LMBRD1: variants seen among roughly 807,000 people sequenced by gnomAD.
LMBRD1 encodes the protein LMBR1 domain containing 1, also known as lysosomal cobalamin transport escort protein LMBD1.
In LMBRD1, 64 loss-of-function variants were observed where a neutral mutation model predicts 74.8. The ratio of observed to expected loss-of-function variants is 0.86; its 90% CI spans 0.70 to 1.05. The LOEUF (loss-of-function observed/expected upper bound fraction) is 1.05, where lower values mean the gene tolerates loss of function less well. Ranked by LOEUF, LMBRD1 falls within the 50% of genes least tolerant of loss-of-function variation. The pLI is 0.00. For synonymous variants in LMBRD1, 204 were observed against 216.3 expected (o/e 0.94, Z 0.50); for missense variants, 652 against 645.9 (o/e 1.01, Z -0.10).
In LMBRD1 at chr6:69,697,572, C is replaced by T; in HGVS notation, c.1408G>A (p.Ala470Thr). The T allele has an allele frequency of 6.2e-7, 1 of 1,600,916 alleles. No individual in the cohort carries two copies. Among genetic ancestry groups the T allele is most frequent in the Non-Finnish European group, 8.6e-7 (1 of 1,168,778 alleles). ...LSVPKRCDAD[A>T]PEDQCTVTRT... The stretch of plus-strand genomic sequence containing the variant: ...AACAAGCTGTTTTTACCTTCAGGAG[C>T]ATCTGCATCACATCTCTTTGGCACA... Residue 470 changes from alanine (A) to threonine (T), a missense_variant, in exon 14 of 16, where the codon GCT (alanine) becomes ACT (threonine). This residue lies in a region of LMBRD1 where 598 missense variants were observed against 581.8 expected (regional missense o/e 1.03). Coordinates refer to ENST00000649934, the MANE Select transcript of LMBRD1 (RefSeq NM_018368.4).
intron 7 of LMBRD1, among the ~76,000 whole-genome samples, chr6:69,735,366 A>T (rs572046367): frequency 6.6e-6 from 1 of 152,284 alleles, no homozygotes; most frequent in East Asian, 1.9e-4. Context: ...CAGACATGGA[A>T]ACAACATGCA....
At chr6:69,738,058 C>T (rs1267191922) in intron 6 of LMBRD1, 43 bp from the exon 7 acceptor site, 2 of 1,358,226 alleles carry the variant, frequency 1.5e-6, no homozygotes, top group Non-Finnish European at 2.1e-6. Context: ...ATATATACTA[C>T]TCAAATCCTT....
intron 14 of LMBRD1, among the ~76,000 whole-genome samples, chr6:69,692,753 C>T (rs1765917849): frequency 1.3e-5 from 2 of 152,090 alleles, no homozygotes; most frequent in Non-Finnish European, 2.9e-5. Context: ...TTTTGCTTTA[C>T]CACAGCATTT....
chr6:69,720,035 G>A (rs953409139), intron 7 of LMBRD1, among the ~76,000 whole-genome samples: 2 of 152,112 alleles, frequency 1.3e-5, no homozygotes, highest in Non-Finnish European at 2.9e-5. Context: ...TCAACTCCAA[G>A]AATGACTTAA....
intron 12 of LMBRD1, 113 bp from the exon 13 acceptor site, chr6:69,699,305 C>G: frequency 5.3e-6 from 5 of 943,308 alleles, no homozygotes; most frequent in Non-Finnish European, 6.6e-6. Flanking sequence ...CATTATTTTT[C>G]TTCCAAAGTA....
intron 8 of LMBRD1, among the ~76,000 whole-genome samples, chr6:69,715,961 G>A (rs1766479767): frequency 6.6e-6 from 1 of 152,026 alleles, no homozygotes; most frequent in Non-Finnish European, 1.5e-5. Context: ...CATTTTTTAT[G>A]GCTACATACT....
intron 14 of LMBRD1, among the ~76,000 whole-genome samples, chr6:69,680,676 A>C (rs1765641316): frequency 6.6e-6 from 1 of 152,120 alleles, no homozygotes; most frequent in Non-Finnish European, 1.5e-5. Flanking sequence ...AAATGATAGA[A>C]GGCTAAAAAT....
intron 2 of LMBRD1, among the ~76,000 whole-genome samples, chr6:69,784,997 C>T (rs1208200492): frequency 6.6e-6 from 1 of 152,156 alleles, no homozygotes; most frequent in Non-Finnish European, 1.5e-5. Flanking sequence ...TTCCTTATCA[C>T]TTCTTCCTTA....
At chr6:69,690,714 G>A (rs944519669) in intron 14 of LMBRD1, among the ~76,000 whole-genome samples, 10 of 151,980 alleles carry the variant, frequency 6.6e-5, no homozygotes, top group East Asian at 3.9e-4. Flanking sequence ...ATTGCATGCC[G>A]TTATCAAAAT....
intron 1 of LMBRD1, 83 bp downstream of exon 1, chr6:69,796,730 G>T (rs1002888559): frequency 7.0e-6 from 9 of 1,280,156 alleles, no homozygotes; most frequent in Non-Finnish European, 1.0e-5. Context: ...GGTCTCCGGG[G>T]CCCGGAGAGG....
At chr6:69,694,451 T>G (rs919528058) in intron 14 of LMBRD1, among the ~76,000 whole-genome samples, 1 of 152,192 alleles carries the variant, frequency 6.6e-6, no homozygotes, top group Non-Finnish European at 1.5e-5. Flanking sequence ...CATTTCAAAG[T>G]AAAAAATCTT....
chr6:69,720,338 C>T lies in LMBRD1; in HGVS notation c.637-1257G>A, dbSNP rs116450661. ...AATCCTTGTATTTCCAAAGGAGAAA[C>T]ACTTAAAAAACCTTGCACTTTAAAT... is the stretch of plus-strand genomic sequence containing the variant. On this transcript the variant is annotated intron_variant, in intron 7 of 15. Coordinates refer to ENST00000649934, the MANE Select transcript of LMBRD1 (RefSeq NM_018368.4). Among the ~76,000 whole-genome samples, 565 of 152,164 alleles carry T rather than the reference C, an allele frequency of 3.7e-3. 4 individuals carry two copies. Among genetic ancestry groups the T allele is most frequent in the African/African-American group, 0.013 (534 of 41,512 alleles).
At position 69,676,755 on chromosome 6, in the gene LMBRD1, T is replaced by TA. The variant is rs561163787; in HGVS notation, c.1418-215dup. Among the ~76,000 whole-genome samples the TA allele has an allele frequency of 7.1e-3, 1,064 of 150,614 alleles. 21 individuals carry two copies. The East Asian group carries it at 0.078, about 11-fold the overall frequency. ...AAAACTGCCAATTAATATGACATAT[T>TA]AAAAAAAAAATGAATGCCACCAATG... On this transcript the variant is annotated intron_variant, in intron 14 of 15. Transcript: ENST00000649934.
At position 69,772,839 on chromosome 6, in the gene LMBRD1, G is replaced by C. The variant is rs139933969; in HGVS notation, c.307+7655C>G. Among the ~76,000 whole-genome samples, 725 of 152,240 alleles carry C rather than the reference G, an allele frequency of 4.8e-3. 8 individuals carry two copies. Among genetic ancestry groups the C allele is most frequent in the Middle Eastern group, 0.017 (5 of 294 alleles). On this transcript the variant is annotated intron_variant, in intron 3 of 15. Coordinates refer to ENST00000649934, the MANE Select transcript of LMBRD1 (RefSeq NM_018368.4). ...AAAATTGAAATTTGATGAGATACTAGTCAGTTCTTTCAATATTAACTTTCC... is the reference window on the plus strand; with the variant it reads ...AAAATTGAAATTTGATGAGATACTACTCAGTTCTTTCAATATTAACTTTCC...
Position 69,715,157 on chromosome 6 carries a change from G to A in LMBRD1, c.763-1360C>T, listed in dbSNP as rs1766462704. 2.0e-5 allele frequency among the ~76,000 whole-genome samples: 3 copies of A among 152,052 alleles called. No homozygotes were observed. In the South Asian group the frequency reaches 6.2e-4, roughly 31 times the overall value. On this transcript the variant is annotated intron_variant, in intron 8 of 15. Coordinates refer to ENST00000649934, the MANE Select transcript of LMBRD1 (RefSeq NM_018368.4). ...ACTCCCTTCTGGAAGATAAATCCAG[G>A]TAACAATACTTCAAGTGTGTGGTAT...
At chr6:69,770,557 G>GGAC (rs1765557002) in intron 3 of LMBRD1, among the ~76,000 whole-genome samples, 1 of 152,030 alleles carries the variant, frequency 6.6e-6, no homozygotes, top group Admixed American at 6.6e-5. Context: ...TTAACAACAC[G>GGAC]GAAGTACACA....
chr6:69,774,448 C>A (rs1200487467), intron 3 of LMBRD1, among the ~76,000 whole-genome samples: 1 of 152,162 alleles, frequency 6.6e-6, no homozygotes, highest in Admixed American at 6.6e-5. Context: ...TCAAATAATT[C>A]CTGCTTAGGG....
intron 3 of LMBRD1, among the ~76,000 whole-genome samples, chr6:69,774,275 T>C (rs1034976294): frequency 7.2e-5 from 11 of 152,220 alleles, no homozygotes; most frequent in Admixed American, 2.0e-4. Context: ...CCTTCCACCA[T>C]GATTATGAAG....
chr6:69,676,075 C>T lies in LMBRD1; in HGVS notation c.*83G>A. On this transcript the variant is annotated 3_prime_UTR_variant, in exon 16 of 16. Coordinates refer to ENST00000649934, the MANE Select transcript of LMBRD1 (RefSeq NM_018368.4). ...CCCATTTTTGATGAAAGCTAGTTAG[C>T]AAATCCTAATGTTAGTTTAATACTT... The T allele has an allele frequency of 2.7e-6, 3 of 1,110,866 alleles. No individual in the cohort carries two copies. Among genetic ancestry groups the T allele is most frequent in the Non-Finnish European group, 4.1e-6 (3 of 736,728 alleles). 68.8% of individuals were successfully genotyped at this position (1,110,866 alleles called of 1,614,324 possible).
Sources: gnomAD v4.1 joint callset for allele counts (sites outside exome capture counted in the v4.1 genomes callset) on GRCh38, gnomAD v4.1.1 for gene constraint, gnomAD v4.1.1 regional missense constraint, MANE v1.5 for transcripts, NCBI Gene and HGNC (gene_info 2026-07-23, HGNC 2026-07-21) for gene names.